The following LILRA6 variants were observed in gnomAD, a reference collection of about 807,000 sequenced individuals.
LILRA6 encodes leukocyte immunoglobulin-like receptor subfamily A member 6.
In LILRA6, 16 loss-of-function variants were observed where a neutral mutation model predicts 53.9. That is an observed-to-expected ratio of 0.30 (90% confidence interval 0.20 to 0.45). The LOEUF (loss-of-function observed/expected upper bound fraction) is 0.45, where lower values mean the gene tolerates loss of function less well. LILRA6 is among the 20% of genes least tolerant of loss of function. The pLI is 1.00. For missense variants in LILRA6, 306 were observed against 618.6 expected (o/e 0.49, Z 5.36); for synonymous variants, 135 against 256.4 (o/e 0.53, Z 4.52).
At chr19:54,239,466 A>C in intron 7 of LILRA6, 2 of 621,380 alleles carry the variant, frequency 3.2e-6, no homozygotes, top group East Asian at 6.9e-5. Flanking sequence ...CTCCTGAGCC[A>C]TTTCCTCCCT....
chr19:54,240,234 G>A lies in LILRA6; in HGVS notation c.1258+40C>T. Reference sequence around the variant, plus strand: ...TCTCCTGGGGGCCTGGGCCTGAGCTGAGCCTTTGAGCTCAGAGAGGACGGG... The same window carrying A: ...TCTCCTGGGGGCCTGGGCCTGAGCTAAGCCTTTGAGCTCAGAGAGGACGGG... On this transcript the variant is annotated intron_variant, in intron 6 of 7. Transcript: ENST00000396365. 3.1e-6 allele frequency: 5 copies of A among 1,598,416 alleles called. 1 individual carries two copies. The highest frequency in any genetic ancestry group is 4.3e-6 in the Non-Finnish European group (5 of 1,174,888).
exon 4 of LILRA6, chr19:54,241,580 G>A (rs1569028186): frequency 6.8e-7 from 1 of 1,464,896 alleles, no homozygotes; most frequent in Admixed American, 1.8e-5. Context: ...CCTCACCTGA[G>A]GGCAGAATCT....
chr19:54,238,069 G>A (rs7256803), downstream of LILRA6: 55,105 of 145,738 alleles, frequency 0.38, 6,629 homozygotes, highest in African/African-American at 0.49. Flanking sequence ...CACCTGGGCC[G>A]GAGTGCAATG....
At chr19:54,240,502 G>A (rs1160138635) in exon 6 of LILRA6, 1 of 1,603,206 alleles carries the variant, frequency 6.2e-7, no homozygotes, top group Admixed American at 1.7e-5. Flanking sequence ...GACTGACACA[G>A]CAGGGTCACG....
exon 4 of LILRA6, chr19:54,241,869 C>G: frequency 7.8e-7 from 1 of 1,286,042 alleles, no homozygotes; most frequent in African/African-American, 1.5e-5. Context: ...GGTGGGTTTG[C>G]TATAGGCTCC....
chr19:54,242,025 C>T lies in LILRA6; in HGVS notation c.355+1G>A, dbSNP rs1361388577. 7.1e-7 allele frequency: 1 copy of T among 1,414,376 alleles called. No homozygotes were observed. The highest frequency in any genetic ancestry group is 9.6e-7 in the Non-Finnish European group (1 of 1,041,674). The allele number at this position is 1,414,376 out of a possible 1,614,324, so 87.6% of individuals were successfully genotyped here. The stretch of plus-strand genomic sequence containing the variant: ...GCTGGGACCCCAGAGTGTCCTCTCA[C>T]CTGTCATCACCAGCTCCAGGGGGTC... On this transcript the variant is annotated splice_donor_variant, in intron 3 of 7. Coordinates refer to ENST00000396365, the Ensembl canonical transcript of LILRA6. LOFTEE classifies it high-confidence loss of function.
At chr19:54,239,653 C>T (rs1363057650) in intron 7 of LILRA6, 2 of 1,511,976 alleles carry the variant, frequency 1.3e-6, no homozygotes, top group Admixed American at 2.1e-5. Flanking sequence ...GGGGCTGGTC[C>T]TCAGGACCTC....
intron 7 of LILRA6, 84 bp downstream of exon 7, chr19:54,239,817 T>C (rs1441666069): frequency 1.9e-6 from 3 of 1,550,568 alleles, no homozygotes; most frequent in Admixed American, 2.0e-5. Flanking sequence ...AAGCCCGTCC[T>C]TGAGGGGAGG....
chr19:54,238,862 G>C (rs448461), exon 8 of LILRA6: 403,015 of 1,523,560 alleles, frequency 0.26, 48,228 homozygotes, highest in East Asian at 0.47. Flanking sequence ...CCCCTCTGGA[G>C]GTCCTAGATT....
rs770178540 is a variant in LILRA6 at position 54,240,323 on chromosome 19, G to T, written c.1209C>A (p.Asn403Lys). 579 of 1,603,100 alleles carry T rather than the reference G, an allele frequency of 3.6e-4. 6 individuals are homozygous for T. The South Asian group carries it at 6.3e-3, about 17-fold the overall frequency. The change falls in exon 6 of 8, where the codon AAC becomes AAA. Residue 403 changes from asparagine (N) to lysine (K), a missense_variant. Coordinates refer to ENST00000396365, the Ensembl canonical transcript of LILRA6. ...CACTGGGGAAAGACAGCAGGTGGGG[G>T]TTGGAGCTGTATGAGCCGTAGCACC...
downstream of LILRA6, chr19:54,238,017 C>CTTTTTT (rs11458700): frequency 7.0e-5 from 10 of 143,438 alleles, no homozygotes; most frequent in Non-Finnish European, 1.1e-4. Flanking sequence ...TGTGTCTCTT[C>CTTTTTT]TTTTTTTTTT....
intron 7 of LILRA6, chr19:54,239,338 T>C: frequency 8.1e-7 from 1 of 1,237,112 alleles, no homozygotes. Context: ...CTTCCAGGCC[T>C]CATGACGTGG....
At chr19:54,239,315 C>T in intron 7 of LILRA6, 1 of 1,366,050 alleles carries the variant, frequency 7.3e-7, no homozygotes, top group South Asian at 1.5e-5. Flanking sequence ...CCCCTGGGCT[C>T]TGCGTTCTTA....
intron 7 of LILRA6, 177 bp from the exon 8 acceptor site, chr19:54,239,266 A>G: frequency 6.6e-7 from 1 of 1,508,814 alleles, no homozygotes. Flanking sequence ...GCTCCTCCTG[A>G]GAATCAAAAC....
intron 4 of LILRA6, 30 bp downstream of exon 4, chr19:54,241,546 G>C (rs369483857): frequency 8.6e-6 from 12 of 1,399,242 alleles, no homozygotes; most frequent in Non-Finnish European, 1.2e-5. Flanking sequence ...TGCCCCGAAA[G>C]TGTGTTAGAC....
downstream of LILRA6, chr19:54,237,208 C>G (rs898011905): frequency 4.0e-5 from 6 of 150,646 alleles, no homozygotes; most frequent in African/African-American, 1.5e-4. Context: ...AATAAAAATA[C>G]AAAAATTAGC....
rs746355449 is a variant in LILRA6, at chr19:54,241,918, C to T, written c.356-40G>A. 3 of 1,270,650 alleles carry T rather than the reference C, an allele frequency of 2.4e-6. No homozygotes were observed. The East Asian group carries it at 7.1e-5, about 30-fold the overall frequency. 78.7% of individuals were successfully genotyped at this position (1,270,650 alleles called of 1,614,324 possible). A position where few individuals can be genotyped will look rare whatever the true frequency, so the allele number is the denominator to read the frequency against. ...GGCACCATGTTAAATGGGGCTCCCA[C>T]CTCCCACATCATCCCCAGGGCTGGG... On this transcript the variant is annotated intron_variant, in intron 3 of 7. Transcript: ENST00000396365.
At chr19:54,239,048 T>C in exon 8 of LILRA6, 2 of 1,611,404 alleles carry the variant, frequency 1.2e-6, no homozygotes, top group Non-Finnish European at 8.5e-7. Flanking sequence ...GCCATGCCCA[T>C]GCGGATGAGA....
downstream of LILRA6, chr19:54,238,051 C>T (rs1236897941): frequency 7.1e-6 from 1 of 140,772 alleles, no homozygotes. Flanking sequence ...GATGAAGTCT[C>T]GTACTGTCAC....
Sources: gnomAD v4.1 joint callset for allele counts on GRCh38, gnomAD v4.1.1 for gene constraint, MANE v1.5 for transcripts, NCBI Gene and HGNC (gene_info 2026-07-23, HGNC 2026-07-21) for gene names.